ATP2B2: variants seen among roughly 807,000 people sequenced by gnomAD.
ATP2B2 encodes the protein plasma membrane calcium-transporting ATPase 2.
ATP2B2 carries 15 observed loss-of-function variants against 120.0 expected under a neutral mutation model. The ratio of observed to expected loss-of-function variants is 0.12; its 90% CI spans 0.08 to 0.19. The LOEUF is 0.19. Ranked by LOEUF, ATP2B2 falls within the 10% of genes least tolerant of loss-of-function variation. ATP2B2 has a pLI of 1.00. For missense variants in ATP2B2, 1,045 were observed against 1,719.8 expected (o/e 0.61, Z 6.94); for synonymous variants, 694 against 700.3 (o/e 0.99, Z 0.14).
chr3:10,668,749 C>T (rs897106688), intron 1 of ATP2B2, among the ~76,000 whole-genome samples: 7 of 152,194 alleles, frequency 4.6e-5, no homozygotes, highest in African/African-American at 1.2e-4. Context: ...TCCTGCATTC[C>T]GCTTGCTGTC....
In ATP2B2 at chr3:10,345,550, T is replaced by A; in HGVS notation, c.2537A>T (p.Lys846Met). ...TGTCAGGATGATGTCTGAGGCCTCC[T>A]TGGCCACGTCAGTGCCTGCGATGCC... ...AMGIAGTDVA[K>M]EASDIILTDD... is the part of the protein sequence containing the mutation. Residue 846 changes from lysine (K) to methionine (M), a missense_variant, in exon 18 of 23, where the codon AAG becomes ATG. Physicochemically the swap from Lys to Met is moderately conservative, Grantham distance 95. Around this residue, in one of 11 missense-constraint regions of ATP2B2, gnomAD observed 98 missense variants for 266.7 expected, o/e 0.37. Coordinates refer to ENST00000360273, the MANE Select transcript of ATP2B2 (RefSeq NM_001001331.4). The A allele has an allele frequency of 1.9e-6, 3 of 1,614,206 alleles. No homozygotes were observed. Among genetic ancestry groups the A allele is most frequent in the Non-Finnish European group, 2.5e-6 (3 of 1,180,018 alleles).
chr3:10,618,969 G>T (rs1044931694), intron 2 of ATP2B2, among the ~76,000 whole-genome samples: 1 of 152,146 alleles, frequency 6.6e-6, no homozygotes, highest in Non-Finnish European at 1.5e-5. Context: ...TTGCAGGGAG[G>T]GGGTGTTGGG....
intron 2 of ATP2B2, among the ~76,000 whole-genome samples, chr3:10,547,985 G>A (rs777978233): frequency 6.6e-6 from 1 of 152,214 alleles, no homozygotes; most frequent in Non-Finnish European, 1.5e-5. Context: ...TCTGGGCACT[G>A]CCTCTGTCAT....
chr3:10,340,745 G>C lies in ATP2B2; in HGVS notation c.2918-41C>G. On this transcript the variant is annotated intron_variant, in intron 19 of 22. Transcript: ENST00000360273. This position sits in a 1 kb window ranked among gnomAD's most constrained non-coding sequence, Gnocchi z 5.0. ...GTGGGGCTGGGCTGAAGGCAGTGGT[G>C]GGGGAATCAGAGGGGAGATGCCTGG... 1 of 1,606,908 alleles carries C rather than the reference G, an allele frequency of 6.2e-7. No individual in the cohort carries two copies. The highest frequency in any genetic ancestry group is 8.5e-7 in the Non-Finnish European group (1 of 1,173,720).
At chr3:10,633,829 C>A (rs2069942698) in intron 1 of ATP2B2, among the ~76,000 whole-genome samples, 1 of 152,206 alleles carries the variant, frequency 6.6e-6, no homozygotes, top group African/African-American at 2.4e-5. Context: ...GTCCCCCCAA[C>A]AGTTATTCTC....
chr3:10,409,328 A>T (rs1171458516), intron 3 of ATP2B2, among the ~76,000 whole-genome samples: 2 of 152,216 alleles, frequency 1.3e-5, no homozygotes, highest in Non-Finnish European at 2.9e-5. Flanking sequence ...AATTTGAGCT[A>T]TGCAAATCTA....
At chr3:10,476,848 C>A (rs2125305244) in intron 1 of ATP2B2, among the ~76,000 whole-genome samples, 1 of 152,296 alleles carries the variant, frequency 6.6e-6, no homozygotes. Context: ...GAGCCCTAAG[C>A]CTCGCCAGTG....
intron 2 of ATP2B2, among the ~76,000 whole-genome samples, chr3:10,600,799 T>C (rs1340637275): frequency 6.6e-6 from 1 of 151,946 alleles, no homozygotes; most frequent in Non-Finnish European, 1.5e-5. Flanking sequence ...ACCAACCTTT[T>C]CCCTCCCTGC....
chr3:10,332,114 G>A (rs1014361776), intron 22 of ATP2B2: 152 of 1,324,664 alleles, frequency 1.1e-4, no homozygotes, highest in South Asian at 1.9e-4. Context: ...CCATTTTCTC[G>A]CCAACCCAAG....
intron 1 of ATP2B2, among the ~76,000 whole-genome samples, chr3:10,487,211 G>A (rs2065717500): frequency 6.6e-6 from 1 of 151,874 alleles, no homozygotes; most frequent in Non-Finnish European, 1.5e-5. Context: ...CACATTCCTA[G>A]CACAGCCTCT....
chr3:10,637,750 A>T (rs1401908158), intron 1 of ATP2B2, among the ~76,000 whole-genome samples: 1 of 152,164 alleles, frequency 6.6e-6, no homozygotes, highest in Non-Finnish European at 1.5e-5. Flanking sequence ...ATGGCTGAAA[A>T]TTTTCCAAAT....
intron 7 of ATP2B2, among the ~76,000 whole-genome samples, chr3:10,385,683 G>A (rs1425644865): frequency 6.6e-6 from 1 of 152,216 alleles, no homozygotes; most frequent in East Asian, 1.9e-4. Context: ...AGATCTGGCT[G>A]CCCATTGGGG....
chr3:10,518,262 G>A (rs1461629029), intron 3 of ATP2B2, among the ~76,000 whole-genome samples: 1 of 152,178 alleles, frequency 6.6e-6, no homozygotes, highest in Non-Finnish European at 1.5e-5. Context: ...GATTTGCCTT[G>A]CCAGTTGTAT....
chr3:10,634,499 T>C (rs2069964694), intron 1 of ATP2B2, among the ~76,000 whole-genome samples: 1 of 152,246 alleles, frequency 6.6e-6, no homozygotes, highest in Non-Finnish European at 1.5e-5. Flanking sequence ...AGCCAGTCCC[T>C]GACTCCAGCC....
chr3:10,553,769 A>G (rs1193628987), intron 2 of ATP2B2, among the ~76,000 whole-genome samples: 1 of 152,004 alleles, frequency 6.6e-6, no homozygotes, highest in Non-Finnish European at 1.5e-5. Context: ...GGTGTTATCG[A>G]GATAATCCAA....
chr3:10,627,397 T>C (rs2069733549), intron 1 of ATP2B2, among the ~76,000 whole-genome samples: 2 of 152,186 alleles, frequency 1.3e-5, no homozygotes, highest in African/African-American at 4.8e-5. Flanking sequence ...CCTCCCTTCA[T>C]ATATAAAACT....
intron 1 of ATP2B2, among the ~76,000 whole-genome samples, chr3:10,478,073 C>G (rs1176349179): frequency 1.3e-5 from 2 of 152,174 alleles, no homozygotes; most frequent in South Asian, 4.1e-4. Flanking sequence ...TGATAGCCAT[C>G]CTAATTGGTG....
chr3:10,451,197 G>T (rs1409146623), intron 1 of ATP2B2, among the ~76,000 whole-genome samples: 2 of 152,190 alleles, frequency 1.3e-5, no homozygotes, highest in African/African-American at 4.8e-5. Context: ...AGAAGGAGAT[G>T]GTCTCCTGGC....
intron 1 of ATP2B2, among the ~76,000 whole-genome samples, chr3:10,640,395 GA>G: frequency 6.6e-6 from 1 of 152,260 alleles, no homozygotes; most frequent in African/African-American, 2.4e-5. Context: ...CTCTGTCAAG[GA>G]GAATCATTTT....
Sources: allele counts gnomAD v4.1 joint callset (sites outside exome capture counted in the v4.1 genomes callset), GRCh38; gene constraint gnomAD v4.1.1; regional missense constraint gnomAD v4.1.1; non-coding constraint Gnocchi (gnomAD v3.1); transcripts MANE v1.5; gene names NCBI Gene and HGNC (gene_info 2026-07-23, HGNC 2026-07-21).